The following RAI14 variants were observed in gnomAD, a reference collection of about 807,000 sequenced individuals.
RAI14 encodes the protein retinoic acid induced 14.
In RAI14, 45 loss-of-function variants were observed where a neutral mutation model predicts 115.4. The observed-to-expected ratio is 0.39, with a 90% CI of 0.31 to 0.50. RAI14 has a LOEUF of 0.50. Among genes scored for constraint, RAI14 ranks in the 20% least tolerant of loss-of-function variants. RAI14 has a pLI of 0.85. For synonymous variants in RAI14, 371 were observed against 415.4 expected (o/e 0.89, Z 1.30); for missense variants, 939 against 1,131.2 (o/e 0.83, Z 2.44).
At chr5:34,794,863 G>A in intron 3 of RAI14, among the ~76,000 whole-genome samples, 1 of 152,126 alleles carries the variant, frequency 6.6e-6, no homozygotes, top group East Asian at 1.9e-4. Context: ...ATGTTACCCT[G>A]GATTTCAATG....
At chr5:34,685,182 G>C (rs938088593) in intron 1 of RAI14, 4 of 151,362 alleles carry the variant, frequency 2.6e-5, no homozygotes, top group African/African-American at 9.7e-5. Context: ...AGGAATTCGT[G>C]ACCTGCCTGG....
chr5:34,764,492 A>C (rs1482436390), intron 3 of RAI14, among the ~76,000 whole-genome samples: 1 of 152,052 alleles, frequency 6.6e-6, no homozygotes, highest in African/African-American at 2.4e-5. Context: ...ACATCGTGAT[A>C]CATTATAGGT....
chr5:34,767,231 G>C (rs1429068438), intron 3 of RAI14, among the ~76,000 whole-genome samples: 1 of 152,124 alleles, frequency 6.6e-6, no homozygotes, highest in Non-Finnish European at 1.5e-5. Flanking sequence ...ACTTAAATGG[G>C]TAATTGTTGC....
intron 7 of RAI14, among the ~76,000 whole-genome samples, chr5:34,810,529 A>G (rs1755457328): frequency 6.6e-6 from 1 of 152,204 alleles, no homozygotes; most frequent in Non-Finnish European, 1.5e-5. Context: ...ATTTTGATAC[A>G]TAGCAAGATT....
intron 3 of RAI14, among the ~76,000 whole-genome samples, chr5:34,770,146 A>G (rs1484521984): frequency 2.0e-5 from 3 of 152,166 alleles, no homozygotes; most frequent in African/African-American, 7.2e-5. Context: ...CAGGATCCCG[A>G]CATTGCGCAT....
At chr5:34,759,927 C>A (rs2150099780) in intron 3 of RAI14, among the ~76,000 whole-genome samples, 1 of 152,200 alleles carries the variant, frequency 6.6e-6, no homozygotes, top group African/African-American at 2.4e-5. Context: ...CTTGATAAAG[C>A]CAGTCACCTA....
At chr5:34,747,695 G>A (rs1481314140) in intron 2 of RAI14, among the ~76,000 whole-genome samples, 3 of 152,028 alleles carry the variant, frequency 2.0e-5, no homozygotes, top group African/African-American at 4.8e-5. Context: ...TGACATGGTG[G>A]GTCTTTAAAA....
chr5:34,688,110 A>G (rs201943859), intron 2 of RAI14: 1 of 344,002 alleles, frequency 2.9e-6, no homozygotes, highest in East Asian at 3.1e-5. Context: ...GACTTCGACA[A>G]AGACAGAAAA....
intron 3 of RAI14, among the ~76,000 whole-genome samples, chr5:34,793,914 C>A (rs1753211470): frequency 2.0e-5 from 3 of 152,058 alleles, no homozygotes; most frequent in Admixed American, 2.0e-4. Flanking sequence ...ATTGAGGAGA[C>A]TCCATATTCC....
intron 3 of RAI14, among the ~76,000 whole-genome samples, chr5:34,795,729 C>A (rs757408417): frequency 1.5e-4 from 23 of 152,080 alleles, no homozygotes; most frequent in Non-Finnish European, 2.8e-4. Context: ...TTAACTAAAG[C>A]TGTCAACGAG....
chr5:34,757,680 A>G, intron 3 of RAI14, 82 bp downstream of exon 3: 13 of 1,461,022 alleles, frequency 8.9e-6, no homozygotes, highest in Non-Finnish European at 1.2e-5. Context: ...CCATAGGGGA[A>G]TTTCACACGT....
rs558122060 is a variant in RAI14 at position 34,737,568 on chromosome 5, G to A, written c.37-19900G>A. On this transcript the variant is annotated intron_variant, in intron 2 of 17. Transcript: ENST00000265109. ...GCTTAGGAGTTTGAGACCAGCCTGG[G>A]CAACACAGACCTCATCTCTACAAAA... Among the ~76,000 whole-genome samples the A allele has an allele frequency of 3.3e-5, 5 of 149,342 alleles. No homozygotes were observed. In the South Asian group the frequency reaches 6.4e-4, roughly 19 times the overall value.
At chr5:34,810,982 G>T (rs1473476878) in intron 7 of RAI14, 30 bp from the exon 8 acceptor site, 1 of 1,609,824 alleles carries the variant, frequency 6.2e-7, no homozygotes, top group Non-Finnish European at 8.5e-7. Context: ...TGTGCCTGAG[G>T]TAAAATCTAA....
At chr5:34,772,750 G>A (rs1399019892) in intron 3 of RAI14, among the ~76,000 whole-genome samples, 8 of 152,140 alleles carry the variant, frequency 5.3e-5, no homozygotes, top group South Asian at 2.1e-4. Context: ...CATTCAGGCT[G>A]CCACCCGGCT....
intron 12 of RAI14, among the ~76,000 whole-genome samples, chr5:34,816,493 T>C (rs1005953301): frequency 6.6e-6 from 1 of 152,190 alleles, no homozygotes; most frequent in Non-Finnish European, 1.5e-5. Context: ...CCTGGTTCTG[T>C]AGATTTGTGG....
chr5:34,665,831 C>T (rs995058287), intron 1 of RAI14, among the ~76,000 whole-genome samples: 25 of 152,194 alleles, frequency 1.6e-4, no homozygotes, highest in Non-Finnish European at 2.8e-4. Context: ...CCCCACCCCA[C>T]TGCCACCCAC....
At chr5:34,795,394 A>T (rs557274178) in intron 3 of RAI14, among the ~76,000 whole-genome samples, 2 of 152,154 alleles carry the variant, frequency 1.3e-5, no homozygotes, top group Non-Finnish European at 2.9e-5. Context: ...CAGATGCTTG[A>T]CCCACATTAG....
chr5:34,712,163 C>T (rs1741477735), intron 2 of RAI14, among the ~76,000 whole-genome samples: 1 of 152,188 alleles, frequency 6.6e-6, no homozygotes, highest in African/African-American at 2.4e-5. Flanking sequence ...CTTTTATATA[C>T]AGTAGAACCT....
At chr5:34,784,664 A>T (rs1279334909) in intron 3 of RAI14, among the ~76,000 whole-genome samples, 2 of 152,196 alleles carry the variant, frequency 1.3e-5, no homozygotes, top group Non-Finnish European at 2.9e-5. Context: ...ATGGACAATA[A>T]CACCAGTAGG....
Sources: gnomAD v4.1 joint callset for allele counts (sites outside exome capture counted in the v4.1 genomes callset) on GRCh38, gnomAD v4.1.1 for gene constraint, MANE v1.5 for transcripts, NCBI Gene and HGNC (gene_info 2026-07-23, HGNC 2026-07-21) for gene names.